Variants in THSD7A observed in about 807,000 individuals in gnomAD.
THSD7A encodes the protein thrombospondin type 1 domain containing 7A, also known as thrombospondin type-1 domain-containing protein 7A.
THSD7A carries 96 observed loss-of-function variants against 231.3 expected under a neutral mutation model. The observed-to-expected ratio is 0.41, with a 90% confidence interval of 0.35 to 0.49. The LOEUF is 0.49. THSD7A is among the 20% of genes least tolerant of loss of function. The pLI is 0.05. For missense variants in THSD7A, 2,290 were observed against 2,070.2 expected (o/e 1.11, Z -2.06); for synonymous variants, 940 against 743.3 (o/e 1.26, Z -4.30).
intron 1 of THSD7A, among the ~76,000 whole-genome samples, chr7:11,646,620 TC>T (rs1272843480): frequency 3.9e-5 from 6 of 152,004 alleles, no homozygotes; most frequent in Non-Finnish European, 7.4e-5. Context: ...ATTACAATTG[TC>T]CAAAAGTGAG....
chr7:11,535,263 G>C (rs190067277), intron 6 of THSD7A, among the ~76,000 whole-genome samples: 1 of 152,186 alleles, frequency 6.6e-6, no homozygotes, highest in African/African-American at 2.4e-5. Context: ...GTTCAACTCT[G>C]ACGGTTTTTT....
chr7:11,690,225 C>T (rs1213369015), intron 1 of THSD7A, among the ~76,000 whole-genome samples: 1 of 151,722 alleles, frequency 6.6e-6, no homozygotes, highest in African/African-American at 2.4e-5. Flanking sequence ...GACATATTCA[C>T]CTTGGTTCAA....
At chr7:11,697,954 GTTC>G (rs1203314221) in intron 1 of THSD7A, among the ~76,000 whole-genome samples, 2 of 151,340 alleles carry the variant, frequency 1.3e-5, no homozygotes, top group Non-Finnish European at 3.0e-5. Flanking sequence ...CTGATACTTG[GTTC>G]TTCAACTATA....
At position 11,593,383 on chromosome 7, in the gene THSD7A, G is replaced by T; in HGVS notation, c.1142C>A (p.Ser381Tyr). ...PCSKTCHDMV[S>Y]PAGTRVRTRT... The stretch of plus-strand genomic sequence containing the variant: ...TGTCCTTACACGAGTGCCTGCAGGG[G>T]ACACCATGTCATGGCATGTTTTTGA... Residue 381 changes from serine (S) to tyrosine (Y), a missense_variant, in exon 3 of 28, where the codon TCC becomes TAC. Ser to Tyr is a moderately radical substitution (Grantham distance 144, BLOSUM62 -2). Coordinates refer to ENST00000423059, the MANE Select transcript of THSD7A (RefSeq NM_015204.3). 1 of 1,614,036 alleles carries T rather than the reference G, an allele frequency of 6.2e-7. No homozygotes were observed. Among genetic ancestry groups the T allele is most frequent in the Non-Finnish European group, 8.5e-7 (1 of 1,179,896 alleles).
chr7:11,416,071 A>G (rs556355218), intron 17 of THSD7A, among the ~76,000 whole-genome samples: 81 of 152,342 alleles, frequency 5.3e-4, no homozygotes, highest in African/African-American at 1.8e-3. Context: ...CTTTAAAGAA[A>G]TATAAAGCCC....
At chr7:11,416,638 C>A (rs1413256557) in intron 17 of THSD7A, among the ~76,000 whole-genome samples, 1 of 152,122 alleles carries the variant, frequency 6.6e-6, no homozygotes, top group Admixed American at 6.5e-5. Flanking sequence ...ACCATAAAAT[C>A]CTCTTTGAAA....
chr7:11,798,478 CAAAACAAAAAAAGAA>C (rs1298566177), intron 1 of THSD7A, among the ~76,000 whole-genome samples: 4 of 138,114 alleles, frequency 2.9e-5, no homozygotes, highest in Non-Finnish European at 6.3e-5. Flanking sequence ...CTCCAAAAAA[CAAAACAAAAAAAGAA>C]AAAACAAAAA....
At chr7:11,687,916 A>T (rs1780110776) in intron 1 of THSD7A, among the ~76,000 whole-genome samples, 1 of 150,384 alleles carries the variant, frequency 6.6e-6, no homozygotes, top group African/African-American at 2.4e-5. Flanking sequence ...TTATTTATTT[A>T]TTTATTTTAT....
At chr7:11,392,812 G>A (rs1161097176) in intron 23 of THSD7A, among the ~76,000 whole-genome samples, 1 of 152,248 alleles carries the variant, frequency 6.6e-6, no homozygotes, top group East Asian at 1.9e-4. Flanking sequence ...CAAAGCCCTT[G>A]TAGCCAGACT....
At chr7:11,495,358 A>G (rs1787056992) in intron 6 of THSD7A, among the ~76,000 whole-genome samples, 1 of 152,032 alleles carries the variant, frequency 6.6e-6, no homozygotes, top group Admixed American at 6.6e-5. Flanking sequence ...TGCTTATGAG[A>G]AAAATGTTAA....
chr7:11,614,937 G>C (rs1241461206), intron 2 of THSD7A, among the ~76,000 whole-genome samples: 1 of 152,158 alleles, frequency 6.6e-6, no homozygotes, highest in Non-Finnish European at 1.5e-5. Flanking sequence ...TCAATAATAT[G>C]TTGATGATGT....
At chr7:11,824,834 T>C (rs529018408) in intron 1 of THSD7A, among the ~76,000 whole-genome samples, 2 of 152,246 alleles carry the variant, frequency 1.3e-5, no homozygotes, top group South Asian at 4.1e-4. Flanking sequence ...CAGCATTTAA[T>C]TGAGAATTGA....
chr7:11,618,932 G>A (rs1781213001), intron 2 of THSD7A, among the ~76,000 whole-genome samples: 1 of 151,876 alleles, frequency 6.6e-6, no homozygotes, highest in African/African-American at 2.4e-5. Flanking sequence ...AAGATTTTAG[G>A]TGGCTTTTAT....
At chr7:11,771,218 A>T (rs916870189) in intron 1 of THSD7A, among the ~76,000 whole-genome samples, 1 of 151,302 alleles carries the variant, frequency 6.6e-6, no homozygotes, top group African/African-American at 2.4e-5. Flanking sequence ...AAAAATTTAC[A>T]TTGGAATTTT....
At chr7:11,476,693 T>C (rs1468991085) in intron 7 of THSD7A, among the ~76,000 whole-genome samples, 1 of 151,798 alleles carries the variant, frequency 6.6e-6, no homozygotes, top group African/African-American at 2.4e-5. Context: ...GGTGCTCCTG[T>C]AATCCCAGCT....
intron 17 of THSD7A, 61 bp from the exon 18 acceptor site, chr7:11,412,861 T>C: frequency 1.3e-6 from 2 of 1,555,336 alleles, no homozygotes; most frequent in East Asian, 2.4e-5. Flanking sequence ...ACTGGTATAT[T>C]AGAGACAGCA....
At chr7:11,677,160 C>A (rs1346942575) in intron 1 of THSD7A, among the ~76,000 whole-genome samples, 2 of 151,980 alleles carry the variant, frequency 1.3e-5, no homozygotes, top group East Asian at 3.9e-4. Context: ...TTATATCCAG[C>A]CAAACTAAGC....
intron 9 of THSD7A, among the ~76,000 whole-genome samples, chr7:11,467,780 T>C (rs1377731788): frequency 6.6e-6 from 1 of 151,956 alleles, no homozygotes; most frequent in Non-Finnish European, 1.5e-5. Flanking sequence ...TCCAGATGTA[T>C]ATAATACGTA....
At chr7:11,402,762 A>G (rs901917217) in intron 22 of THSD7A, among the ~76,000 whole-genome samples, 1 of 152,084 alleles carries the variant, frequency 6.6e-6, no homozygotes, top group African/African-American at 2.4e-5. Flanking sequence ...TCTCTCATTT[A>G]TGTTTGTGAA....
Sources: gnomAD v4.1 joint callset for allele counts (sites outside exome capture counted in the v4.1 genomes callset) on GRCh38, gnomAD v4.1.1 for gene constraint, MANE v1.5 for transcripts, NCBI Gene and HGNC (gene_info 2026-07-23, HGNC 2026-07-21) for gene names.